Variants in SGCZ observed in about 807,000 individuals in gnomAD.
SGCZ encodes the protein zeta-sarcoglycan.
Under a neutral mutation model 41.3 loss-of-function variants are expected in SGCZ, and 40 were observed. The ratio of observed to expected loss-of-function variants is 0.97; its 90% CI spans 0.75 to 1.26. The LOEUF (loss-of-function observed/expected upper bound fraction) is 1.26, where lower values mean the gene tolerates loss of function less well. SGCZ is among the 50% of genes most tolerant of loss of function. The pLI is 0.00. For missense variants in SGCZ, 552 were observed against 369.8 expected, an observed-to-expected ratio of 1.49 and a Z score of -4.04; for synonymous variants, 206 against 137.5, an observed-to-expected ratio of 1.50 and a Z score of -3.49.
At chr8:14,871,565 G>A (rs1482324954) in intron 1 of SGCZ, among the ~76,000 whole-genome samples, 1 of 151,962 alleles carries the variant, frequency 6.6e-6, no homozygotes, top group Non-Finnish European at 1.5e-5. Context: ...CAGCATTTTG[G>A]GAGGCTAAGA....
At position 14,458,034 on chromosome 8, in the gene SGCZ, G is replaced by A. The variant is rs575790490; in HGVS notation, c.234+96698C>T. Among the ~76,000 whole-genome samples the A allele has an allele frequency of 7.2e-5, 11 of 152,176 alleles. No individual in the cohort carries two copies. In the East Asian group the frequency reaches 1.7e-3, roughly 24 times the overall value. On this transcript the variant is annotated intron_variant, in intron 2 of 7. Transcript: ENST00000382080. ...CCTACAGGGGCCTGTAGAACCATGG[G>A]TCAATCAAACCTCCTTTCTTCTAAA...
At chr8:14,446,906 T>C (rs1368596154) in intron 2 of SGCZ, among the ~76,000 whole-genome samples, 3 of 152,162 alleles carry the variant, frequency 2.0e-5, no homozygotes, top group Admixed American at 6.5e-5. Context: ...TTCATATTCA[T>C]TACACCAACG....
intron 1 of SGCZ, among the ~76,000 whole-genome samples, chr8:14,581,770 T>G (rs796752245): frequency 3.3e-5 from 5 of 152,296 alleles, no homozygotes; most frequent in African/African-American, 1.2e-4. Flanking sequence ...ATAAGGGAAA[T>G]GTATCAAATG....
intron 2 of SGCZ, among the ~76,000 whole-genome samples, chr8:14,496,554 C>G (rs1162609166): frequency 3.3e-5 from 5 of 152,102 alleles, no homozygotes; most frequent in Non-Finnish European, 5.9e-5. Flanking sequence ...AATTTTTTCC[C>G]TACAAGAAAC....
intron 1 of SGCZ, among the ~76,000 whole-genome samples, chr8:14,634,092 T>G (rs544428689): frequency 6.6e-6 from 1 of 151,980 alleles, no homozygotes; most frequent in East Asian, 1.9e-4. Context: ...TAATTTTCAG[T>G]TTAAAGAAAC....
At position 14,085,020 on chromosome 8, in the gene SGCZ, T is replaced by C. The variant is rs1415855310; in HGVS notation, c.*5423A>G. Among the ~76,000 whole-genome samples the C allele has an allele frequency of 6.6e-6, 1 of 151,806 alleles. No individual in the cohort carries two copies. Among genetic ancestry groups the C allele is most frequent in the Non-Finnish European group, 1.5e-5 (1 of 67,850 alleles). ...AGGTTTCCAATTGCCAAAACTTTGC[T>C]GCATTTTCTCTCCCCCAAAATATAC... On this transcript the variant is annotated 3_prime_UTR_variant, in exon 8 of 8. Transcript: ENST00000382080.
At chr8:14,826,633 G>A (rs1802331406) in intron 1 of SGCZ, among the ~76,000 whole-genome samples, 1 of 152,130 alleles carries the variant, frequency 6.6e-6, no homozygotes, top group Admixed American at 6.5e-5. Flanking sequence ...ATTCTAACTA[G>A]TGTGAGATGG....
chr8:14,301,082 A>G (rs549901549), intron 3 of SGCZ, among the ~76,000 whole-genome samples: 2 of 151,882 alleles, frequency 1.3e-5, no homozygotes, highest in African/African-American at 4.8e-5. Flanking sequence ...CATCATCATC[A>G]TCATCATCAT....
chr8:14,699,284 A>C (rs1366220656), intron 1 of SGCZ, among the ~76,000 whole-genome samples: 1 of 151,182 alleles, frequency 6.6e-6, no homozygotes, highest in African/African-American at 2.4e-5. Context: ...AGACCAATGG[A>C]ATAGGTCAGA....
chr8:14,129,715 A>C (rs1802979754), intron 5 of SGCZ, among the ~76,000 whole-genome samples: 1 of 151,916 alleles, frequency 6.6e-6, no homozygotes, highest in South Asian at 2.1e-4. Context: ...AAAGACATTA[A>C]GAAAGTAATT....
intron 5 of SGCZ, among the ~76,000 whole-genome samples, chr8:14,149,448 C>T (rs1381350711): frequency 6.6e-6 from 1 of 151,788 alleles, no homozygotes; most frequent in African/African-American, 2.4e-5. Flanking sequence ...AATTAATTAC[C>T]TAGGAATTAA....
chr8:15,175,481 A>G (rs1799968185), intron 1 of SGCZ, among the ~76,000 whole-genome samples: 1 of 152,194 alleles, frequency 6.6e-6, no homozygotes, highest in Non-Finnish European at 1.5e-5. Context: ...TGGGAGCTAA[A>G]TGATGAGAAC....
intron 3 of SGCZ, among the ~76,000 whole-genome samples, chr8:14,248,154 G>A (rs1585277271): frequency 6.6e-6 from 1 of 152,102 alleles, no homozygotes; most frequent in East Asian, 1.9e-4. Flanking sequence ...CCAGTGGTGA[G>A]CTGGTAGATT....
At chr8:14,137,572 G>A (rs1475434092) in intron 5 of SGCZ, among the ~76,000 whole-genome samples, 3 of 152,094 alleles carry the variant, frequency 2.0e-5, no homozygotes, top group Non-Finnish European at 2.9e-5. Flanking sequence ...TGGAAAAAAG[G>A]GTATCAGTGA....
At chr8:14,226,195 T>C (rs376106611) in intron 4 of SGCZ, among the ~76,000 whole-genome samples, 1 of 152,020 alleles carries the variant, frequency 6.6e-6, no homozygotes, top group East Asian at 1.9e-4. Context: ...TGTTAAGTTA[T>C]ATATAAAAAA....
chr8:14,353,063 G>A (rs1278833350), intron 2 of SGCZ, among the ~76,000 whole-genome samples: 1 of 151,702 alleles, frequency 6.6e-6, no homozygotes, highest in Non-Finnish European at 1.5e-5. Context: ...AGAGAATTAT[G>A]TTGCACGTTG....
At chr8:14,657,354 T>C (rs779922441) in intron 1 of SGCZ, among the ~76,000 whole-genome samples, 2 of 152,102 alleles carry the variant, frequency 1.3e-5, no homozygotes, top group African/African-American at 2.4e-5. Context: ...CATTAAATAT[T>C]ACAACTTTAG....
chr8:14,647,458 T>A (rs1170204810), intron 1 of SGCZ, among the ~76,000 whole-genome samples: 1 of 152,048 alleles, frequency 6.6e-6, no homozygotes, highest in African/African-American at 2.4e-5. Context: ...CATTCATATT[T>A]CTAGCTGTCT....
intron 3 of SGCZ, among the ~76,000 whole-genome samples, chr8:14,319,294 T>C (rs576342069): frequency 1.3e-5 from 2 of 152,068 alleles, no homozygotes; most frequent in South Asian, 4.1e-4. Context: ...TGCCCTTGGA[T>C]TTCTTCCGGC....
Sources: allele counts gnomAD v4.1 joint callset (sites outside exome capture counted in the v4.1 genomes callset), GRCh38; gene constraint gnomAD v4.1.1; transcripts MANE v1.5; gene names NCBI Gene and HGNC (gene_info 2026-07-23, HGNC 2026-07-21).